Variants in LRP1B observed in about 807,000 individuals in gnomAD.
LRP1B encodes the protein low-density lipoprotein receptor-related protein 1B.
Under a neutral mutation model 556.6 loss-of-function variants are expected in LRP1B, and 217 were observed. That is an observed-to-expected ratio of 0.39 (90% CI 0.35 to 0.44). LRP1B has a LOEUF of 0.44. Ranked by LOEUF, LRP1B falls within the 20% of genes least tolerant of loss-of-function variation. The probability of loss-of-function intolerance (pLI) is 1.00; values close to 1 mark genes in which losing one functional copy is unlikely to be tolerated. For synonymous variants in LRP1B, 2,047 were observed against 1,865.8 expected, an observed-to-expected ratio of 1.10 and a Z score of -2.50; for missense variants, 5,053 against 5,620.8, an observed-to-expected ratio of 0.90 and a Z score of 3.23.
At chr2:141,475,728 C>T (rs12472514) in intron 3 of LRP1B, among the ~76,000 whole-genome samples, 77,782 of 151,758 alleles carry the variant, frequency 0.51, 20,173 homozygotes, top group Non-Finnish European at 0.55. Flanking sequence ...AGAGAAGCGA[C>T]GGAGCATCTG....
intron 32 of LRP1B, among the ~76,000 whole-genome samples, chr2:140,782,302 A>G (rs534440603): frequency 6.6e-6 from 1 of 152,300 alleles, no homozygotes; most frequent in East Asian, 1.9e-4. Flanking sequence ...CTGTATTTAG[A>G]GAAAGAGTCT....
chr2:141,698,754 A>T (rs2105458144), intron 2 of LRP1B, among the ~76,000 whole-genome samples: 1 of 151,656 alleles, frequency 6.6e-6, no homozygotes, highest in East Asian at 1.9e-4. Flanking sequence ...AAAAGAGCTT[A>T]GGGCATTAAC....
At chr2:142,110,442 T>A (rs1706933499) in intron 1 of LRP1B, among the ~76,000 whole-genome samples, 1 of 152,088 alleles carries the variant, frequency 6.6e-6, no homozygotes. Context: ...TGGCGGTGGA[T>A]CCTCACAGGA....
At chr2:141,466,504 C>T (rs1376925807) in intron 3 of LRP1B, among the ~76,000 whole-genome samples, 3 of 152,122 alleles carry the variant, frequency 2.0e-5, no homozygotes, top group African/African-American at 7.2e-5. Context: ...GTCTTTCTTG[C>T]AAATAAGGGT....
Position 141,015,760 on chromosome 2 carries a change from A to G in LRP1B, c.2126T>C (p.Leu709Ser). The G allele has an allele frequency of 6.2e-7, 1 of 1,613,442 alleles. No individual in the cohort carries two copies. Among genetic ancestry groups the G allele is most frequent in the Non-Finnish European group, 8.5e-7 (1 of 1,179,702 alleles). ...GLTLDFHTNT[L>S]YWCDAYYDHI... Reference sequence around the variant, plus strand: ...ATCGTAATAGGCATCACACCAGTATAATGTGTTGGTGTGAAAGTCCAGAGT... The same window carrying G: ...ATCGTAATAGGCATCACACCAGTATGATGTGTTGGTGTGAAAGTCCAGAGT... The change falls in exon 13 of 91, where the codon TTA becomes TCA. Residue 709 changes from leucine (L) to serine (S), a missense_variant. Leu to Ser is a moderately radical substitution (Grantham distance 145, BLOSUM62 -2). Transcript: ENST00000389484.
chr2:141,395,477 T>C (rs1288423708), intron 3 of LRP1B, among the ~76,000 whole-genome samples: 2 of 152,170 alleles, frequency 1.3e-5, no homozygotes, highest in African/African-American at 4.8e-5. Context: ...AACTGTATCA[T>C]GTAGATTTAT....
intron 27 of LRP1B, among the ~76,000 whole-genome samples, chr2:140,859,232 A>G (rs1692713071): frequency 6.6e-6 from 1 of 151,994 alleles, no homozygotes; most frequent in Admixed American, 6.5e-5. Context: ...TTTTTGACAA[A>G]AAAGAAAAAA....
intron 84 of LRP1B, among the ~76,000 whole-genome samples, chr2:140,280,153 G>A (rs1682854935): frequency 6.6e-6 from 1 of 151,698 alleles, no homozygotes; most frequent in Non-Finnish European, 1.5e-5. Flanking sequence ...GCAAAGGATG[G>A]CCTTCTACTT....
chr2:141,777,242 G>T (rs1215361315), intron 2 of LRP1B, among the ~76,000 whole-genome samples: 1 of 152,042 alleles, frequency 6.6e-6, no homozygotes, highest in African/African-American at 2.4e-5. Context: ...TGACATGTGG[G>T]CAAAGTAATT....
intron 2 of LRP1B, among the ~76,000 whole-genome samples, chr2:141,524,734 G>A (rs925123910): frequency 6.6e-6 from 1 of 151,144 alleles, no homozygotes; most frequent in African/African-American, 2.4e-5. Flanking sequence ...GCAGAGACTT[G>A]AAATTACCCC....
intron 60 of LRP1B, among the ~76,000 whole-genome samples, chr2:140,469,989 C>A (rs1687697610): frequency 6.6e-6 from 1 of 152,142 alleles, no homozygotes; most frequent in African/African-American, 2.4e-5. Context: ...CAAGCACAGT[C>A]CCTTGAAATC....
intron 1 of LRP1B, among the ~76,000 whole-genome samples, chr2:141,903,740 T>C (rs1699684548): frequency 6.6e-6 from 1 of 151,910 alleles, no homozygotes; most frequent in Non-Finnish European, 1.5e-5. Context: ...AGTTTACAGA[T>C]TTGGGGTTGG....
intron 21 of LRP1B, among the ~76,000 whole-genome samples, chr2:140,920,472 T>A (rs1694706400): frequency 6.6e-6 from 1 of 152,056 alleles, no homozygotes; most frequent in African/African-American, 2.4e-5. Context: ...TTGAAAATAA[T>A]CATGAACTTT....
At chr2:141,420,123 C>A (rs534140820) in intron 3 of LRP1B, among the ~76,000 whole-genome samples, 1 of 152,300 alleles carries the variant, frequency 6.6e-6, no homozygotes, top group South Asian at 2.1e-4. Flanking sequence ...AAATGCCTTA[C>A]TATTATTGTG....
intron 37 of LRP1B, among the ~76,000 whole-genome samples, chr2:140,709,468 AGAG>A (rs760576470): frequency 6.7e-6 from 1 of 148,464 alleles, no homozygotes; most frequent in Admixed American, 6.7e-5. Flanking sequence ...AAGAAGAAGA[AGAG>A]GAAGAGGAAG....
chr2:140,896,987 C>T (rs1402332870), intron 23 of LRP1B, among the ~76,000 whole-genome samples: 2 of 152,084 alleles, frequency 1.3e-5, no homozygotes, highest in East Asian at 3.9e-4. Context: ...GAATTTGCTG[C>T]TTTTCTAAAA....
At chr2:141,981,992 C>A (rs1702055829) in intron 1 of LRP1B, among the ~76,000 whole-genome samples, 1 of 152,110 alleles carries the variant, frequency 6.6e-6, no homozygotes, top group African/African-American at 2.4e-5. Context: ...GGAGCAGAGC[C>A]CTTCACCTTT....
At chr2:141,160,612 A>G (rs1336703520) in intron 7 of LRP1B, among the ~76,000 whole-genome samples, 1 of 152,012 alleles carries the variant, frequency 6.6e-6, no homozygotes, top group Non-Finnish European at 1.5e-5. Flanking sequence ...ATGTGAATGG[A>G]TCTCACGGGC....
intron 2 of LRP1B, among the ~76,000 whole-genome samples, chr2:141,781,694 C>A (rs1447261537): frequency 6.6e-6 from 1 of 152,136 alleles, no homozygotes; most frequent in African/African-American, 2.4e-5. Flanking sequence ...ATAGCACTAG[C>A]TGGCTTTATT....
Sources: gnomAD v4.1 joint callset for allele counts (sites outside exome capture counted in the v4.1 genomes callset) on GRCh38, gnomAD v4.1.1 for gene constraint, MANE v1.5 for transcripts, NCBI Gene and HGNC (gene_info 2026-07-23, HGNC 2026-07-21) for gene names.